Variants in DPP10 observed in about 807,000 individuals in gnomAD.
The protein encoded by DPP10 is dipeptidyl peptidase like 10.
In DPP10, 33 loss-of-function variants were observed where a neutral mutation model predicts 120.9. The ratio of observed to expected loss-of-function variants is 0.27; its 90% CI spans 0.21 to 0.37. The LOEUF is 0.37. Among genes scored for constraint, DPP10 ranks in the 10% least tolerant of loss-of-function variants. The pLI is 1.00. For missense variants in DPP10, 816 were observed against 942.8 expected (o/e 0.87, Z 1.76); for synonymous variants, 337 against 326.1 (o/e 1.03, Z -0.36).
chr2:114,879,570 A>C (rs1691439480), intron 1 of DPP10, among the ~76,000 whole-genome samples: 1 of 152,166 alleles, frequency 6.6e-6, no homozygotes, highest in Admixed American at 6.6e-5. Flanking sequence ...TCAAAGTGCA[A>C]ATGGGAAAGC....
chr2:115,178,441 G>T (rs558159143), intron 1 of DPP10, among the ~76,000 whole-genome samples: 1 of 152,302 alleles, frequency 6.6e-6, no homozygotes, highest in Admixed American at 6.5e-5. Context: ...CTTGCACACA[G>T]TGTTCTAATG....
At chr2:115,391,928 G>A (rs1406970343) in intron 3 of DPP10, among the ~76,000 whole-genome samples, 1 of 152,004 alleles carries the variant, frequency 6.6e-6, no homozygotes, top group Admixed American at 6.6e-5. Flanking sequence ...ATGATGATTT[G>A]TTTGTTACCA....
At chr2:115,792,622 T>C (rs1318676737) in intron 19 of DPP10, among the ~76,000 whole-genome samples, 3 of 152,162 alleles carry the variant, frequency 2.0e-5, no homozygotes, top group Non-Finnish European at 4.4e-5. Flanking sequence ...TCTTAATTCA[T>C]TGTTTTTTTT....
At chr2:114,642,048 T>C (rs1695746705) in intron 1 of DPP10, among the ~76,000 whole-genome samples, 1 of 151,988 alleles carries the variant, frequency 6.6e-6, no homozygotes, top group Admixed American at 6.5e-5. Flanking sequence ...TTTAAGTCTT[T>C]GCCTGCTGAT....
chr2:115,527,545 G>A (rs901435921), intron 5 of DPP10, among the ~76,000 whole-genome samples: 4 of 152,028 alleles, frequency 2.6e-5, no homozygotes, highest in Non-Finnish European at 4.4e-5. Context: ...GATAGACCCT[G>A]TTTTCAGGCT....
At chr2:114,670,680 T>C (rs904003869) in intron 1 of DPP10, among the ~76,000 whole-genome samples, 1 of 152,148 alleles carries the variant, frequency 6.6e-6, no homozygotes, top group East Asian at 1.9e-4. Context: ...TAAAGTATAA[T>C]AATAATAAGA....
chr2:115,637,548 A>G (rs72947980), intron 5 of DPP10, among the ~76,000 whole-genome samples: 14,016 of 152,192 alleles, frequency 0.092, 2,066 homozygotes, highest in African/African-American at 0.32. Context: ...AGATTGAGGA[A>G]TAGGTAAACC....
intron 1 of DPP10, among the ~76,000 whole-genome samples, chr2:115,296,169 TTCTGGCTTGGG>T (rs1456725429): frequency 6.6e-6 from 1 of 152,038 alleles, no homozygotes; most frequent in African/African-American, 2.4e-5. Context: ...AGACCCAGGT[TTCTGGCTTGGG>T]AGGTGGTGGT....
chr2:115,243,227 G>A (rs2058371208), intron 1 of DPP10, among the ~76,000 whole-genome samples: 1 of 152,118 alleles, frequency 6.6e-6, no homozygotes, highest in Non-Finnish European at 1.5e-5. Flanking sequence ...AACTATTTTT[G>A]TTTTAATTGT....
At chr2:115,248,182 C>T (rs1376687527) in intron 1 of DPP10, among the ~76,000 whole-genome samples, 1 of 152,162 alleles carries the variant, frequency 6.6e-6, no homozygotes, top group African/African-American at 2.4e-5. Flanking sequence ...CTGATGGATG[C>T]TGCTGTAAGG....
chr2:114,444,684 T>C (rs1331095661), intron 1 of DPP10, among the ~76,000 whole-genome samples: 1 of 152,166 alleles, frequency 6.6e-6, no homozygotes, highest in Non-Finnish European at 1.5e-5. Context: ...AAAAGTATCA[T>C]AAAAATTGGA....
chr2:115,404,367 A>G (rs549600762), intron 3 of DPP10, among the ~76,000 whole-genome samples: 22 of 152,274 alleles, frequency 1.4e-4, no homozygotes, highest in African/African-American at 3.6e-4. Flanking sequence ...CCATAATTCA[A>G]TCACCTCTAA....
chr2:115,015,103 T>A (rs951263706), intron 1 of DPP10, among the ~76,000 whole-genome samples: 3 of 152,138 alleles, frequency 2.0e-5, no homozygotes, highest in South Asian at 2.1e-4. Flanking sequence ...AAATCCTTAA[T>A]AAAATACTGG....
At chr2:115,738,908 C>T (rs191127276) in intron 8 of DPP10, among the ~76,000 whole-genome samples, 5 of 152,160 alleles carry the variant, frequency 3.3e-5, no homozygotes, top group East Asian at 1.9e-4. Context: ...ACAAGGAGAA[C>T]ATTTGCTGAG....
chr2:115,582,575 A>G (rs890588476), intron 5 of DPP10, among the ~76,000 whole-genome samples: 3 of 152,180 alleles, frequency 2.0e-5, no homozygotes, highest in African/African-American at 4.8e-5. Flanking sequence ...CTGCTCATGT[A>G]TGCCTAGATA....
chr2:114,513,623 A>AAAAG (rs61159493), intron 1 of DPP10, among the ~76,000 whole-genome samples: 22,801 of 150,254 alleles, frequency 0.15, 2,076 homozygotes, highest in East Asian at 0.26. Flanking sequence ...GAAGGGAGGA[A>AAAAG]AAAGAAAGAA....
chr2:114,663,259 T>TATATATA (rs1558980076), intron 1 of DPP10, among the ~76,000 whole-genome samples: 2 of 147,778 alleles, frequency 1.4e-5, no homozygotes. Flanking sequence ...TATATATATA[T>TATATATA]CTATATATAT....
rs113828507 is a variant in DPP10 at position 115,364,440 on chromosome 2, A to T, written c.271+20528A>T. 4.1e-3 allele frequency among the ~76,000 whole-genome samples: 625 copies of T among 151,582 alleles called. 16 individuals carry two copies. Among genetic ancestry groups the T allele is most frequent in the Admixed American group, 0.033 (509 of 15,204 alleles). ...CCAAGTGGCAGTGCTCAAATCACAT[A>T]AAGAGGAGCCGTTGTTGCTTGTTCG... On this transcript the variant is annotated intron_variant, in intron 3 of 25. Transcript: ENST00000410059.
At chr2:115,667,236 T>C (rs1575478903) in intron 5 of DPP10, among the ~76,000 whole-genome samples, 1 of 152,158 alleles carries the variant, frequency 6.6e-6, no homozygotes, top group Non-Finnish European at 1.5e-5. Context: ...AAGTTCCTTA[T>C]AGATTCTGGA....
Sources: allele counts gnomAD v4.1 joint callset (sites outside exome capture counted in the v4.1 genomes callset), GRCh38; gene constraint gnomAD v4.1.1; transcripts MANE v1.5; gene names NCBI Gene and HGNC (gene_info 2026-07-23, HGNC 2026-07-21).